PDGFD: variants seen among roughly 807,000 people sequenced by gnomAD.
PDGFD encodes platelet-derived growth factor D.
A neutral mutation model predicts 44.7 loss-of-function variants in PDGFD; 30 were observed. The ratio of observed to expected loss-of-function variants is 0.67; its 90% confidence interval spans 0.50 to 0.91. PDGFD has a LOEUF of 0.91. Among genes scored for constraint, PDGFD ranks in the 40% least tolerant of loss-of-function variants. The probability of loss-of-function intolerance (pLI) is 0.00; values close to 1 mark genes in which losing one functional copy is unlikely to be tolerated. For missense variants in PDGFD, 445 were observed against 457.8 expected (o/e 0.97, Z 0.25); for synonymous variants, 173 against 168.4 (o/e 1.03, Z -0.21).
At chr11:104,003,374 G>C (rs572406902) in intron 1 of PDGFD, among the ~76,000 whole-genome samples, 1 of 152,218 alleles carries the variant, frequency 6.6e-6, no homozygotes, top group Non-Finnish European at 1.5e-5. Context: ...GCCCTGGTGT[G>C]GGTGAATAGT....
intron 1 of PDGFD, among the ~76,000 whole-genome samples, chr11:104,057,744 A>G (rs1026625637): frequency 6.6e-6 from 1 of 152,226 alleles, no homozygotes; most frequent in African/African-American, 2.4e-5. Context: ...ACAAAATGGA[A>G]GTCTCATAAT....
chr11:103,916,796 A>G (rs1858133048), intron 6 of PDGFD, among the ~76,000 whole-genome samples: 1 of 152,216 alleles, frequency 6.6e-6, no homozygotes, highest in Non-Finnish European at 1.5e-5. Context: ...AGAGATATGG[A>G]TGAAGCTGGA....
At chr11:104,137,678 T>A (rs1401338031) in intron 1 of PDGFD, among the ~76,000 whole-genome samples, 1 of 151,630 alleles carries the variant, frequency 6.6e-6, no homozygotes, top group Non-Finnish European at 1.5e-5. Context: ...ATCTGATGAT[T>A]ATAAACTTCC....
intron 5 of PDGFD, among the ~76,000 whole-genome samples, chr11:103,939,337 C>G (rs1393026699): frequency 6.6e-6 from 1 of 152,002 alleles, no homozygotes; most frequent in Non-Finnish European, 1.5e-5. Context: ...GGAGTTCACT[C>G]GTGATTTGGC....
chr11:103,933,077 G>A (rs1858430614), intron 5 of PDGFD, among the ~76,000 whole-genome samples: 1 of 152,172 alleles, frequency 6.6e-6, no homozygotes, highest in African/African-American at 2.4e-5. Flanking sequence ...AAACATCAAG[G>A]TGCTAAGGAA....
intron 1 of PDGFD, among the ~76,000 whole-genome samples, chr11:104,059,927 A>T (rs1860684697): frequency 6.6e-6 from 1 of 152,214 alleles, no homozygotes; most frequent in South Asian, 2.1e-4. Context: ...AATCATTTTG[A>T]ATATCAGTTG....
intron 1 of PDGFD, among the ~76,000 whole-genome samples, chr11:104,070,317 G>A (rs771783380): frequency 2.6e-5 from 4 of 152,078 alleles, no homozygotes; most frequent in Non-Finnish European, 5.9e-5. Flanking sequence ...ATATTTCAAC[G>A]CATTAGTTCA....
intron 6 of PDGFD, among the ~76,000 whole-genome samples, chr11:103,919,766 C>T (rs1242640447): frequency 6.6e-6 from 1 of 152,116 alleles, no homozygotes; most frequent in Non-Finnish European, 1.5e-5. Flanking sequence ...GCCTCAGCCT[C>T]CCAAAATGCT....
intron 1 of PDGFD, among the ~76,000 whole-genome samples, chr11:104,051,954 T>C (rs1477287532): frequency 6.6e-6 from 1 of 152,220 alleles, no homozygotes; most frequent in Non-Finnish European, 1.5e-5. Context: ...TATTTCCATC[T>C]AGTTCCAAAA....
rs1399951610 is a variant in PDGFD at position 103,994,520 on chromosome 11, G to A, written c.510+1545C>T. Among the ~76,000 whole-genome samples the A allele has an allele frequency of 3.3e-5, 5 of 152,150 alleles. No homozygotes were observed. The East Asian group carries it at 9.6e-4, about 29-fold the overall frequency. ...ATTTTTTCATTTACAATGTTCTGAT[G>A]TAGAATTCACTTAGTGTTTAATAAT... On this transcript the variant is annotated intron_variant, in intron 3 of 6. Coordinates refer to ENST00000393158, the MANE Select transcript of PDGFD (RefSeq NM_025208.5).
intron 1 of PDGFD, among the ~76,000 whole-genome samples, chr11:104,106,737 G>T (rs1241433348): frequency 6.7e-6 from 1 of 148,774 alleles, no homozygotes; most frequent in East Asian, 2.0e-4. Context: ...CCACGCCTTT[G>T]TATGATGCCT....
chr11:104,131,862 G>A (rs905490294), intron 1 of PDGFD, among the ~76,000 whole-genome samples: 1 of 132,984 alleles, frequency 7.5e-6, no homozygotes, highest in African/African-American at 2.8e-5. Context: ...CTTTCGATAA[G>A]ATAATCTCTA....
chr11:104,007,895 A>C (rs1859728974), intron 1 of PDGFD, among the ~76,000 whole-genome samples: 1 of 152,230 alleles, frequency 6.6e-6, no homozygotes, highest in Non-Finnish European at 1.5e-5. Context: ...TTGCAAGTCC[A>C]TCATAGAAAT....
chr11:103,915,891 G>A (rs1228261216), intron 6 of PDGFD, among the ~76,000 whole-genome samples: 13 of 152,204 alleles, frequency 8.5e-5, no homozygotes, highest in Non-Finnish European at 1.8e-4. Context: ...CTAGCCATAT[G>A]CAGAAAGCTG....
At chr11:104,006,537 A>G (rs1051228132) in intron 1 of PDGFD, among the ~76,000 whole-genome samples, 1 of 152,222 alleles carries the variant, frequency 6.6e-6, no homozygotes. Flanking sequence ...CTAAATGGGA[A>G]CAGGCATTCC....
chr11:104,003,346 A>C (rs1859648196), intron 1 of PDGFD, among the ~76,000 whole-genome samples: 1 of 152,246 alleles, frequency 6.6e-6, no homozygotes, highest in South Asian at 2.1e-4. Context: ...TCCACTTGAT[A>C]TGGGTACAAA....
At chr11:104,119,828 T>A (rs1417033948) in intron 1 of PDGFD, among the ~76,000 whole-genome samples, 2 of 116,122 alleles carry the variant, frequency 1.7e-5, no homozygotes, top group Non-Finnish European at 3.3e-5. Context: ...TTATGTACTA[T>A]ATAATCAATT....
chr11:104,037,398 G>C (rs1320335149), intron 1 of PDGFD: 1 of 1,614,100 alleles, frequency 6.2e-7, no homozygotes, highest in South Asian at 1.1e-5. Context: ...AAAAGGCCTT[G>C]AGAGAGCAAG....
chr11:103,969,008 T>C (rs1462454982), intron 3 of PDGFD, among the ~76,000 whole-genome samples: 1 of 152,198 alleles, frequency 6.6e-6, no homozygotes, highest in African/African-American at 2.4e-5. Flanking sequence ...CACTTCATCA[T>C]TTAGAACACA....
Sources: gnomAD v4.1 joint callset for allele counts (sites outside exome capture counted in the v4.1 genomes callset) on GRCh38, gnomAD v4.1.1 for gene constraint, MANE v1.5 for transcripts, NCBI Gene and HGNC (gene_info 2026-07-23, HGNC 2026-07-21) for gene names.